NAV3: variants seen among roughly 807,000 people sequenced by gnomAD.
NAV3 encodes pore membrane and/or filament interacting like protein 1.
Under a neutral mutation model 244.7 loss-of-function variants are expected in NAV3, and 87 were observed. The ratio of observed to expected loss-of-function variants is 0.36; its 90% CI spans 0.30 to 0.42. NAV3 has a LOEUF of 0.42. NAV3 is among the 20% of genes least tolerant of loss of function. NAV3 has a pLI of 1.00. For missense variants in NAV3, 2,663 were observed against 2,893.3 expected (o/e 0.92, Z 1.83); for synonymous variants, 1,126 against 1,042.2 (o/e 1.08, Z -1.55).
intron 1 of NAV3, among the ~76,000 whole-genome samples, chr12:77,919,401 T>C (rs573493809): frequency 5.9e-5 from 9 of 152,192 alleles, no homozygotes; most frequent in East Asian, 1.9e-4. Context: ...CATTCTTACA[T>C]TGGAATATAA....
intron 5 of NAV3, among the ~76,000 whole-genome samples, chr12:77,993,284 A>G (rs765356959): frequency 1.3e-5 from 2 of 152,216 alleles, no homozygotes; most frequent in Non-Finnish European, 2.9e-5. Context: ...GGGTAGACAT[A>G]GTGGTAAACA....
At chr12:78,037,096 C>T in intron 9 of NAV3, 1 of 702,976 alleles carries the variant, frequency 1.4e-6, no homozygotes, top group Non-Finnish European at 2.6e-6. Flanking sequence ...TCTGTGCAGT[C>T]CCTGTATCAC....
intron 18 of NAV3, among the ~76,000 whole-genome samples, chr12:78,129,856 A>G (rs1358700907): frequency 5.3e-5 from 8 of 152,204 alleles, no homozygotes; most frequent in Admixed American, 1.3e-4. Flanking sequence ...ACCTTTGTCA[A>G]ACTATCCCAG....
chr12:78,117,603 A>G (rs1050548329), intron 13 of NAV3, among the ~76,000 whole-genome samples: 4 of 150,936 alleles, frequency 2.7e-5, no homozygotes, highest in Admixed American at 2.7e-4. Context: ...TCCTTACAAT[A>G]TCGATATGTT....
chr12:77,994,002 A>C (rs991629382), intron 5 of NAV3, among the ~76,000 whole-genome samples: 2 of 103,632 alleles, frequency 1.9e-5, no homozygotes, highest in African/African-American at 9.3e-5. Flanking sequence ...CGCAGAGATC[A>C]GTTGAACTTA....
chr12:78,152,996 A>G (rs1040768310), intron 22 of NAV3, among the ~76,000 whole-genome samples: 1 of 152,038 alleles, frequency 6.6e-6, no homozygotes, highest in African/African-American at 2.4e-5. Flanking sequence ...CAACATTTTT[A>G]AGTATCAGAT....
intron 9 of NAV3, among the ~76,000 whole-genome samples, chr12:78,027,658 G>A (rs1017884323): frequency 3.3e-5 from 5 of 152,006 alleles, no homozygotes; most frequent in Non-Finnish European, 5.9e-5. Context: ...CATTCTCAGG[G>A]GAAAAAATAG....
At chr12:77,844,343 G>A (rs191303425) in intron 1 of NAV3, among the ~76,000 whole-genome samples, 51 of 152,216 alleles carry the variant, frequency 3.4e-4, no homozygotes, top group Middle Eastern at 3.4e-3. Context: ...CATCTATGAG[G>A]GCTCCATCCT....
intron 38 of NAV3, among the ~76,000 whole-genome samples, chr12:78,203,600 G>C (rs1036932386): frequency 6.6e-6 from 1 of 151,976 alleles, no homozygotes; most frequent in Admixed American, 6.6e-5. Context: ...AGTTTTTATG[G>C]TGTTAATGTC....
chr12:78,003,358 G>A (rs141009706), intron 7 of NAV3, among the ~76,000 whole-genome samples: 14 of 152,228 alleles, frequency 9.2e-5, no homozygotes, highest in Admixed American at 2.6e-4. Flanking sequence ...TTTCCACCAC[G>A]ATCTGTGATG....
At chr12:78,005,057 T>C (rs1194328948) in intron 7 of NAV3, among the ~76,000 whole-genome samples, 1 of 152,186 alleles carries the variant, frequency 6.6e-6, no homozygotes, top group Non-Finnish European at 1.5e-5. Context: ...CCCTTGTTCA[T>C]CAGCCAGTTA....
intron 2 of NAV3, among the ~76,000 whole-genome samples, chr12:77,650,271 G>A (rs1187511561): frequency 1.3e-5 from 2 of 152,138 alleles, no homozygotes; most frequent in African/African-American, 4.8e-5. Context: ...GAAGAAGCAT[G>A]GGATGTTTTT....
intron 2 of NAV3, among the ~76,000 whole-genome samples, chr12:77,679,545 T>TAA (rs112744520): frequency 1.4e-4 from 20 of 147,946 alleles, no homozygotes; most frequent in South Asian, 4.3e-4. Context: ...AGAGGACAGT[T>TAA]AAAAAAAAAA....
intron 12 of NAV3, among the ~76,000 whole-genome samples, chr12:78,091,029 C>G (rs1310328565): frequency 6.8e-6 from 1 of 147,724 alleles, no homozygotes; most frequent in African/African-American, 2.5e-5. Context: ...TAATTTTTAG[C>G]TTTTTACTCA....
At chr12:77,657,777 T>A (rs1398484622) in intron 2 of NAV3, among the ~76,000 whole-genome samples, 1 of 152,092 alleles carries the variant, frequency 6.6e-6, no homozygotes, top group Non-Finnish European at 1.5e-5. Context: ...GTGGGCTTCA[T>A]CCCTGGGATG....
At chr12:77,583,821 C>T (rs1045846222) in intron 2 of NAV3, among the ~76,000 whole-genome samples, 7 of 152,144 alleles carry the variant, frequency 4.6e-5, no homozygotes, top group African/African-American at 1.7e-4. Context: ...GACATAATCT[C>T]ATCCCATTCC....
chr12:78,052,919 T>C (rs556973962), intron 11 of NAV3, among the ~76,000 whole-genome samples: 6 of 151,998 alleles, frequency 3.9e-5, no homozygotes, highest in East Asian at 1.9e-4. Context: ...ATAATATATA[T>C]AAAGATATAT....
intron 12 of NAV3, among the ~76,000 whole-genome samples, chr12:78,061,452 G>C (rs866580545): frequency 1.3e-5 from 2 of 152,090 alleles, no homozygotes; most frequent in Middle Eastern, 3.2e-3. Context: ...CTTGGTAGAT[G>C]CAGTTTTTGA....
chr12:77,968,483 A>T (rs770775201), intron 4 of NAV3, 36 bp from the exon 5 acceptor site: 1 of 1,521,760 alleles, frequency 6.6e-7, no homozygotes, highest in East Asian at 2.3e-5. Context: ...CATTAAATAC[A>T]TATGATTCTT....
Sources: allele counts gnomAD v4.1 joint callset (sites outside exome capture counted in the v4.1 genomes callset), GRCh38; gene constraint gnomAD v4.1.1; transcripts MANE v1.5; gene names NCBI Gene and HGNC (gene_info 2026-07-23, HGNC 2026-07-21).